Variants in HHIPL1 observed in about 807,000 individuals in gnomAD.
HHIPL1 encodes HHIP-like protein 1.
In HHIPL1, 43 loss-of-function variants were observed where a neutral mutation model predicts 61.8. The observed-to-expected ratio is 0.70, with a 90% CI of 0.55 to 0.90. HHIPL1 has a LOEUF of 0.90. Ranked by LOEUF, HHIPL1 falls within the 40% of genes least tolerant of loss-of-function variation. The pLI, the probability that HHIPL1 is intolerant of heterozygous loss-of-function variation, is 0.00. For missense variants in HHIPL1, 1,056 were observed against 1,157.7 expected, an observed-to-expected ratio of 0.91 and a Z score of 1.28; for synonymous variants, 482 against 515.8, an observed-to-expected ratio of 0.93 and a Z score of 0.89.
chr14:99,644,650 G>T (rs756186857), upstream of HHIPL1, among the ~76,000 whole-genome samples: 2 of 152,180 alleles, frequency 1.3e-5, no homozygotes, highest in African/African-American at 4.8e-5. Context: ...GAAGCCCACA[G>T]TAAGGGCAAA....
chr14:99,659,516 G>A lies in HHIPL1; in HGVS notation c.1135G>A (p.Val379Met). The A allele has an allele frequency of 6.5e-7, 1 of 1,542,700 alleles. No homozygotes were observed. The highest frequency in any genetic ancestry group is 1.9e-5 in the Admixed American group (1 of 51,962). Residue 379 changes from valine (V) to methionine (M), a missense_variant, in exon 4 of 9, where the codon GTG (valine) becomes ATG (methionine). Coordinates refer to ENST00000330710, the MANE Select transcript of HHIPL1 (RefSeq NM_001127258.3). ...CGGCATCCCGCCCGACAACCCGTTCGTGGGCGACCCCGCGGCGCAGCCCGA... is the reference window on the plus strand; with the variant it reads ...CGGCATCCCGCCCGACAACCCGTTCATGGGCGACCCCGCGGCGCAGCCCGA... ...PYGIPPDNPFVGDPAAQPEVY... is the reference protein window; with the variant it reads ...PYGIPPDNPFMGDPAAQPEVY...
the HHIPL1 span, among the ~76,000 whole-genome samples, chr14:99,635,871 C>T: frequency 0.049 from 7,512 of 152,210 alleles, 615 homozygotes; most frequent in African/African-American, 0.17. Flanking sequence ...AAATGCGTTT[C>T]CATGCAAAGT....
intron 8 of HHIPL1, among the ~76,000 whole-genome samples, chr14:99,673,576 T>A (rs1595171999): frequency 6.9e-5 from 1 of 14,512 alleles, no homozygotes; most frequent in African/African-American, 3.5e-4. Context: ...GGGTGGCAGC[T>A]AGGGGGATGG....
At chr14:99,615,947 C>T in the HHIPL1 span, among the ~76,000 whole-genome samples, 1 of 152,078 alleles carries the variant, frequency 6.6e-6, no homozygotes, top group Admixed American at 6.6e-5. Context: ...CCAAGCAAGT[C>T]AAAACAAGGA....
rs2056374488 is a variant in HHIPL1 at position 99,675,237 on chromosome 14, G to A, written c.1960G>A (p.Gly654Ser). ...CCAGCAGCCAGGGAGCCGGAGGGGC[G>A]GCGGGCGGCGGCGGGGGCGGCTGAA... is the stretch of plus-strand genomic sequence containing the variant. ...PTQQPGSRRG[G>S]GRRRGRLNSA... The change falls in exon 9 of 9, where the codon GGC becomes AGC. Residue 654 changes from glycine (G) to serine (S), a missense_variant. By Grantham distance (56) the Gly-to-Ser change is moderately conservative. Coordinates refer to ENST00000330710, the MANE Select transcript of HHIPL1 (RefSeq NM_001127258.3). The surrounding 1 kb of genome is among the most constrained non-coding windows in gnomAD (Gnocchi z 5.4). 7 of 1,213,968 alleles carry A rather than the reference G, an allele frequency of 5.8e-6. No individual in the cohort carries two copies. Among genetic ancestry groups the A allele is most frequent in the African/African-American group, 4.8e-5 (3 of 62,904 alleles). 75.2% of individuals were successfully genotyped at this position (1,213,968 alleles called of 1,614,324 possible).
chr14:99,616,661 G>T, the HHIPL1 span, among the ~76,000 whole-genome samples: 51 of 152,160 alleles, frequency 3.4e-4, no homozygotes, highest in African/African-American at 1.1e-3. Flanking sequence ...GACTTTTTTG[G>T]TTTTTTTAAA....
At chr14:99,640,063 A>G in the HHIPL1 span, among the ~76,000 whole-genome samples, 1 of 152,234 alleles carries the variant, frequency 6.6e-6, no homozygotes, top group Non-Finnish European at 1.5e-5. Context: ...ATTACCATCT[A>G]CAATATGTAT....
chr14:99,655,928 CT>C lies in HHIPL1; in HGVS notation c.903-1071del, dbSNP rs375946243. Among the ~76,000 whole-genome samples, 114 of 152,322 alleles carry C rather than the reference CT, an allele frequency of 7.5e-4. 2 individuals are homozygous for C. The East Asian group carries it at 0.02, about 27-fold the overall frequency. ...CACGTTCACCAGCCAACCCTGCTGT[CT>C]CTGCAGCCACCACTTCCGGAGGCAG... On this transcript the variant is annotated intron_variant, in intron 2 of 8. Coordinates refer to ENST00000330710, the MANE Select transcript of HHIPL1 (RefSeq NM_001127258.3).
intron 5 of HHIPL1, among the ~76,000 whole-genome samples, chr14:99,662,254 G>T (rs1175114043): frequency 6.6e-6 from 1 of 152,164 alleles, no homozygotes; most frequent in Non-Finnish European, 1.5e-5. Flanking sequence ...GCCCAGCATG[G>T]GGGCCTTCAG....
rs777615380 is a variant in HHIPL1, at chr14:99,652,197, A to G, written c.256-27A>G. The G allele has an allele frequency of 1.9e-6, 3 of 1,553,640 alleles. No homozygotes were observed. In the African/African-American group the frequency reaches 4.1e-5, roughly 21 times the overall value. The stretch of plus-strand genomic sequence containing the variant: ...GGGCTGGTAAGCACCTCCACAAAAC[A>G]TCTCTGAGCCATTACTGTCTCTGCA... On this transcript the variant is annotated intron_variant, in intron 1 of 8. Coordinates refer to ENST00000330710, the MANE Select transcript of HHIPL1 (RefSeq NM_001127258.3).
rs534036219 is a variant in HHIPL1 at position 99,650,504 on chromosome 14, C to T, written c.256-1720C>T. Among the ~76,000 whole-genome samples the T allele has an allele frequency of 3.9e-4, 60 of 152,268 alleles. No homozygotes were observed. In the South Asian group the frequency reaches 0.011, roughly 27 times the overall value. ...AGCCTGGAGCTGTAGGGGTAGGGTG[C>T]AGGGAGGGTGCTGTGGTGTGGGGAC... On this transcript the variant is annotated intron_variant, in intron 1 of 8. Coordinates refer to ENST00000330710, the MANE Select transcript of HHIPL1 (RefSeq NM_001127258.3).
At chr14:99,663,337 A>G (rs2056185742) in intron 6 of HHIPL1, among the ~76,000 whole-genome samples, 1 of 152,186 alleles carries the variant, frequency 6.6e-6, no homozygotes, top group Admixed American at 6.5e-5. Context: ...CTGGTTGCCC[A>G]CTTTTATGAT....
the HHIPL1 span, chr14:99,625,645 T>A: frequency 4.6e-5 from 7 of 152,052 alleles, no homozygotes; most frequent in African/African-American, 1.7e-4. Flanking sequence ...CAATGCTGGG[T>A]GGCGGGCAGC....
upstream of HHIPL1, among the ~76,000 whole-genome samples, chr14:99,643,570 C>T (rs76410048): frequency 1.3e-3 from 191 of 152,274 alleles, no homozygotes; most frequent in African/African-American, 4.4e-3. Flanking sequence ...TCATCTGGAG[C>T]CCTGTGTTGA....
upstream of HHIPL1, among the ~76,000 whole-genome samples, chr14:99,640,647 A>T (rs2055738371): frequency 2.0e-5 from 3 of 152,160 alleles, no homozygotes; most frequent in Non-Finnish European, 4.4e-5. Context: ...TTGAGCAGAT[A>T]CTACAGAGGA....
the HHIPL1 span, among the ~76,000 whole-genome samples, chr14:99,607,907 A>G: frequency 6.6e-6 from 1 of 152,182 alleles, no homozygotes; most frequent in Admixed American, 6.5e-5. Flanking sequence ...ATACACAAAC[A>G]CATTTAAATG....
chr14:99,627,045 A>G, the HHIPL1 span, among the ~76,000 whole-genome samples: 2 of 152,148 alleles, frequency 1.3e-5, no homozygotes, highest in African/African-American at 2.4e-5. This position sits in a 1 kb window ranked among gnomAD's most constrained non-coding sequence, Gnocchi z 4.4. Flanking sequence ...GTCAGAGCCC[A>G]GAGCCAGAGC....
At chr14:99,654,032 C>G (rs1243789723) in intron 2 of HHIPL1, among the ~76,000 whole-genome samples, 1 of 151,894 alleles carries the variant, frequency 6.6e-6, no homozygotes, top group East Asian at 1.9e-4. Context: ...CTACTAAAAA[C>G]ACAAAAACTA....
chr14:99,666,852 C>T (rs1005230155), intron 6 of HHIPL1, among the ~76,000 whole-genome samples: 4 of 152,184 alleles, frequency 2.6e-5, no homozygotes, highest in African/African-American at 9.7e-5. Flanking sequence ...GGTCAGGGGC[C>T]ATTGACCACT....
Sources: allele counts gnomAD v4.1 joint callset (sites outside exome capture counted in the v4.1 genomes callset), GRCh38; gene constraint gnomAD v4.1.1; non-coding constraint Gnocchi (gnomAD v3.1); transcripts MANE v1.5; gene names NCBI Gene and HGNC (gene_info 2026-07-23, HGNC 2026-07-21).